NRXN1: variants seen among roughly 807,000 people sequenced by gnomAD.
NRXN1 encodes the protein neurexin-1.
NRXN1 carries 39 observed loss-of-function variants against 150.9 expected under a neutral mutation model. That is an observed-to-expected ratio of 0.26 (90% confidence interval 0.20 to 0.34). NRXN1 has a LOEUF of 0.34. Ranked by LOEUF, NRXN1 falls within the 10% of genes least tolerant of loss-of-function variation. NRXN1 has a pLI of 1.00. For missense variants in NRXN1, 1,815 were observed against 1,949.9 expected (o/e 0.93, Z 1.30); for synonymous variants, 924 against 757.0 (o/e 1.22, Z -3.62).
chr2:50,181,794 T>C (rs746228589), intron 18 of NRXN1, among the ~76,000 whole-genome samples: 2 of 152,074 alleles, frequency 1.3e-5, no homozygotes, highest in Non-Finnish European at 2.9e-5. Flanking sequence ...CAGTCCATAG[T>C]TCTAGTAATG....
intron 18 of NRXN1, among the ~76,000 whole-genome samples, chr2:50,143,305 G>A (rs1464192680): frequency 1.3e-5 from 2 of 151,878 alleles, no homozygotes; most frequent in Non-Finnish European, 2.9e-5. Flanking sequence ...TCTCATTAAT[G>A]GGTACAGCTC....
Position 50,762,189 on chromosome 2 carries a change from A to G in NRXN1, c.833-138574T>C, listed in dbSNP as rs1159188726. Reference sequence around the variant, plus strand: ...TAGTCCTGTCCATTTAGAGAACCCTAATACAACAGGCATGATCATAGCATG... The same window carrying G: ...TAGTCCTGTCCATTTAGAGAACCCTGATACAACAGGCATGATCATAGCATG... On this transcript the variant is annotated intron_variant, in intron 5 of 22. Coordinates refer to ENST00000401669, the MANE Select transcript of NRXN1 (RefSeq NM_001330078.2). Among the ~76,000 whole-genome samples, 3 of 151,570 alleles carry G rather than the reference A, an allele frequency of 2.0e-5. No homozygotes were observed. In the East Asian group the frequency reaches 5.9e-4, roughly 30 times the overall value.
At chr2:49,932,264 TA>T (rs554559826) in intron 22 of NRXN1, among the ~76,000 whole-genome samples, 154 of 152,058 alleles carry the variant, frequency 1.0e-3, no homozygotes, top group Non-Finnish European at 1.6e-3. Context: ...ACAGAAAATG[TA>T]AAAAAATTAG....
chr2:50,824,973 A>C (rs1194056339), intron 5 of NRXN1, among the ~76,000 whole-genome samples: 3 of 152,254 alleles, frequency 2.0e-5, no homozygotes, highest in Non-Finnish European at 4.4e-5. Context: ...CTGTGCTTTG[A>C]ATTAACAGCA....
intron 17 of NRXN1, among the ~76,000 whole-genome samples, chr2:50,425,648 A>T (rs1477338278): frequency 2.0e-5 from 3 of 152,038 alleles, no homozygotes; most frequent in Non-Finnish European, 4.4e-5. Context: ...CTATTCTAGG[A>T]TTTGTTCAGG....
At chr2:50,461,920 G>A (rs751539541) in intron 17 of NRXN1, among the ~76,000 whole-genome samples, 12 of 151,902 alleles carry the variant, frequency 7.9e-5, no homozygotes, top group Non-Finnish European at 1.6e-4. Context: ...CAATGGTGAG[G>A]AAATTGGAAA....
intron 5 of NRXN1, among the ~76,000 whole-genome samples, chr2:50,879,661 C>A (rs1305204789): frequency 6.6e-6 from 1 of 151,802 alleles, no homozygotes; most frequent in Non-Finnish European, 1.5e-5. Flanking sequence ...TGCCAAGTTC[C>A]TCTTTCTCAG....
chr2:50,641,833 T>C (rs2104484638), intron 5 of NRXN1, among the ~76,000 whole-genome samples: 1 of 152,254 alleles, frequency 6.6e-6, no homozygotes, highest in Non-Finnish European at 1.5e-5. Context: ...AGAGCACTTT[T>C]GGATGCTGCT....
At chr2:50,418,361 C>G (rs982179894) in intron 17 of NRXN1, among the ~76,000 whole-genome samples, 3 of 151,990 alleles carry the variant, frequency 2.0e-5, no homozygotes, top group African/African-American at 2.4e-5. Flanking sequence ...ACATGGTGTA[C>G]CCTCCTTGCA....
At chr2:50,495,376 GTGTGGTGT>G (rs1333206211) in intron 15 of NRXN1, among the ~76,000 whole-genome samples, 5 of 10,810 alleles carry the variant, frequency 4.6e-4, no homozygotes, top group African/African-American at 6.1e-4. Context: ...GTGTGTGTGT[GTGTGGTGT>G]GTGTGTGTGT....
intron 5 of NRXN1, among the ~76,000 whole-genome samples, chr2:50,858,702 A>G (rs1211850155): frequency 6.6e-6 from 1 of 152,174 alleles, no homozygotes; most frequent in Non-Finnish European, 1.5e-5. Flanking sequence ...TCTGAAATTT[A>G]AACATCTGAA....
intron 5 of NRXN1, among the ~76,000 whole-genome samples, chr2:50,861,118 G>A (rs1333550179): frequency 2.0e-5 from 3 of 152,040 alleles, no homozygotes. Flanking sequence ...AGTTAGATGA[G>A]TCCCAAAGAG....
chr2:50,868,955 G>A (rs1405085706), intron 5 of NRXN1, among the ~76,000 whole-genome samples: 1 of 151,828 alleles, frequency 6.6e-6, no homozygotes. Context: ...CCAACTTGGA[G>A]ATTTTAAACT....
At chr2:50,426,577 C>A (rs756616933) in intron 17 of NRXN1, among the ~76,000 whole-genome samples, 1 of 152,186 alleles carries the variant, frequency 6.6e-6, no homozygotes, top group African/African-American at 2.4e-5. Context: ...ACTTCAGAAG[C>A]ATATCTGAGT....
chr2:50,587,326 A>G, intron 8 of NRXN1, among the ~76,000 whole-genome samples: 1 of 152,304 alleles, frequency 6.6e-6, no homozygotes, highest in Non-Finnish European at 1.5e-5. Flanking sequence ...CTCCACTAAA[A>G]ATACAAAAAT....
At chr2:50,391,933 A>G (rs1481070138) in intron 17 of NRXN1, among the ~76,000 whole-genome samples, 1 of 152,176 alleles carries the variant, frequency 6.6e-6, no homozygotes, top group Admixed American at 6.6e-5. Flanking sequence ...CAATAAAAGA[A>G]ATCTTATGAA....
chr2:49,990,490 G>C (rs1300333051), intron 21 of NRXN1, among the ~76,000 whole-genome samples: 1 of 152,178 alleles, frequency 6.6e-6, no homozygotes, highest in Non-Finnish European at 1.5e-5. Context: ...ATATTTAAAA[G>C]ATCATCCTGT....
At chr2:50,119,796 T>A (rs1703611977) in intron 18 of NRXN1, among the ~76,000 whole-genome samples, 1 of 152,218 alleles carries the variant, frequency 6.6e-6, no homozygotes, top group East Asian at 1.9e-4. Flanking sequence ...AGTGCCATTC[T>A]CCTATATTTA....
At chr2:50,783,053 G>A (rs779044370) in intron 5 of NRXN1, among the ~76,000 whole-genome samples, 12 of 151,994 alleles carry the variant, frequency 7.9e-5, no homozygotes, top group East Asian at 5.8e-4. Context: ...TATCTGTTAC[G>A]TCTATTTCAT....
Sources: gnomAD v4.1 joint callset for allele counts (sites outside exome capture counted in the v4.1 genomes callset) on GRCh38, gnomAD v4.1.1 for gene constraint, MANE v1.5 for transcripts, NCBI Gene and HGNC (gene_info 2026-07-23, HGNC 2026-07-21) for gene names.